IGF2R: variants seen among roughly 807,000 people sequenced by gnomAD.
IGF2R encodes the protein insulin like growth factor 2 receptor, also known as cation-independent mannose-6-phosphate receptor.
IGF2R carries 91 observed loss-of-function variants against 270.6 expected under a neutral mutation model. The observed-to-expected ratio is 0.34, with a 90% confidence interval of 0.28 to 0.40. The LOEUF (loss-of-function observed/expected upper bound fraction) is 0.40. Among genes scored for constraint, IGF2R ranks in the 10% least tolerant of loss-of-function variants. The probability of loss-of-function intolerance (pLI) is 1.00; values close to 1 mark genes in which losing one functional copy is unlikely to be tolerated. For synonymous variants in IGF2R, 1,316 were observed against 1,258.9 expected (o/e 1.05, Z -0.96); for missense variants, 2,805 against 3,188.3 (o/e 0.88, Z 2.90).
At chr6:159,995,587 A>T (rs564548789) in intron 2 of IGF2R, among the ~76,000 whole-genome samples, 99 of 152,070 alleles carry the variant, frequency 6.5e-4, no homozygotes, top group African/African-American at 2.0e-3. Context: ...AAGCTATTAG[A>T]TTCTCTTTTC....
intron 41 of IGF2R, among the ~76,000 whole-genome samples, chr6:160,086,026 A>G (rs925403865): frequency 6.6e-5 from 10 of 152,202 alleles, no homozygotes; most frequent in Admixed American, 2.0e-4. Context: ...GTAATCTTGC[A>G]GTATATATGG....
At chr6:160,027,014 A>C (rs914788410) in intron 5 of IGF2R, among the ~76,000 whole-genome samples, 171 bp from the exon 6 acceptor site, 1 of 152,170 alleles carries the variant, frequency 6.6e-6, no homozygotes, top group Admixed American at 6.5e-5. Flanking sequence ...ACAGTCCTTC[A>C]TCCTGAGCTT....
intron 5 of IGF2R, among the ~76,000 whole-genome samples, chr6:160,025,511 A>G (rs563382576): frequency 6.6e-6 from 1 of 152,320 alleles, no homozygotes; most frequent in Admixed American, 6.5e-5. Context: ...AACTCAATAC[A>G]TGGAAGTATT....
chr6:160,013,883 C>T (rs1454202105), intron 4 of IGF2R, among the ~76,000 whole-genome samples: 1 of 152,080 alleles, frequency 6.6e-6, no homozygotes, highest in Non-Finnish European at 1.5e-5. Flanking sequence ...ACCTTACAGG[C>T]TTGGTATGAT....
At chr6:160,062,672 G>A (rs931793173) in intron 26 of IGF2R, 53 bp downstream of exon 26, 9 of 1,301,002 alleles carry the variant, frequency 6.9e-6, no homozygotes, top group Admixed American at 1.8e-5. Context: ...AGTAGCAGAC[G>A]TTCTGAACGA....
At chr6:159,983,323 G>C (rs1224403574) in intron 1 of IGF2R, among the ~76,000 whole-genome samples, 2 of 152,174 alleles carry the variant, frequency 1.3e-5, no homozygotes, top group Non-Finnish European at 2.9e-5. Flanking sequence ...TTACTTGTGT[G>C]CTTCCTTCTA....
In IGF2R at chr6:160,078,381, G is replaced by T. The variant is rs1018099935; in HGVS notation, c.5478+19G>T. ...CTTTAAGGTAATGCGTTCACCCTGG[G>T]CGTTGCTGGTGCAGGTGTACCAGGT... On this transcript the variant is annotated intron_variant, in intron 37 of 47. Coordinates refer to ENST00000356956, the MANE Select transcript of IGF2R (RefSeq NM_000876.4). The T allele has an allele frequency of 7.5e-6, 12 of 1,610,036 alleles. No homozygotes were observed. The highest frequency in any genetic ancestry group is 1.7e-4 in the Middle Eastern group (1 of 6,054).
At chr6:160,047,484 T>G in intron 16 of IGF2R, 148 bp downstream of exon 16, 1 of 699,382 alleles carries the variant, frequency 1.4e-6, no homozygotes. Context: ...AGTATTAGTA[T>G]TTTAAGCTGT....
At chr6:160,047,094 T>C (rs1247122646) in intron 15 of IGF2R, 65 bp from the exon 16 acceptor site, 2 of 1,495,156 alleles carry the variant, frequency 1.3e-6, no homozygotes, top group East Asian at 2.3e-5. Flanking sequence ...CTCCCTTCAG[T>C]GTGGCAGCCT....
In IGF2R at chr6:160,072,018, G is replaced by C. The variant is rs751755621; in HGVS notation, c.4552G>C (p.Val1518Leu). 1.1e-5 allele frequency: 18 copies of C among 1,614,144 alleles called. No individual in the cohort carries two copies. Among genetic ancestry groups the C allele is most frequent in the Non-Finnish European group, 1.3e-5 (15 of 1,180,026 alleles). ...GAGCAACGAGCATGATGACTGCCAG[G>C]TCACCAACCCAAGCACAGGTGAGAG... ...MKSNEHDDCQ[V>L]TNPSTGHLFD... is the part of the protein sequence containing the mutation. The change falls in exon 32 of 48, where the codon GTC becomes CTC. Residue 1518 changes from valine to leucine, a missense_variant. Around this residue, in one of 2 missense-constraint regions of IGF2R, gnomAD observed 1,851 missense variants for 2,207.2 expected, o/e 0.84. Transcript: ENST00000356956.
chr6:160,071,823 A>G, intron 31 of IGF2R, 87 bp from the exon 32 acceptor site: 1 of 1,542,484 alleles, frequency 6.5e-7, no homozygotes, highest in Non-Finnish European at 8.9e-7. Context: ...GGAGTTTTTC[A>G]GAGAAGCTTC....
chr6:159,980,676 G>A (rs1271895395), intron 1 of IGF2R, among the ~76,000 whole-genome samples: 4 of 152,120 alleles, frequency 2.6e-5, no homozygotes, highest in Non-Finnish European at 5.9e-5. Context: ...CTGACAGCCC[G>A]CAGGTTTTCT....
At chr6:160,008,722 A>G (rs1237891558) in intron 2 of IGF2R, among the ~76,000 whole-genome samples, 1 of 152,088 alleles carries the variant, frequency 6.6e-6, no homozygotes, top group Non-Finnish European at 1.5e-5. Context: ...GAGCGCAGGT[A>G]GTGGTTTTAG....
At chr6:160,020,015 G>T (rs1331463035) in intron 4 of IGF2R, among the ~76,000 whole-genome samples, 2 of 152,090 alleles carry the variant, frequency 1.3e-5, no homozygotes, top group East Asian at 3.8e-4. Flanking sequence ...GACAGTCAAC[G>T]TGTCTCTGTG....
At position 160,058,167 on chromosome 6, in the gene IGF2R, G is replaced by A. The variant is rs773646364; in HGVS notation, c.2898+43G>A. 3.8e-6 allele frequency: 5 copies of A among 1,315,910 alleles called. No individual in the cohort carries two copies. In the South Asian group the frequency reaches 5.9e-5, roughly 15 times the overall value. The allele number at this position is 1,315,910 out of a possible 1,614,324, so 81.5% of individuals were successfully genotyped here. On this transcript the variant is annotated intron_variant, in intron 21 of 47. Coordinates refer to ENST00000356956, the MANE Select transcript of IGF2R (RefSeq NM_000876.4). ...CATTTCCAGTTTGCTTTGAAACAGG[G>A]GGAGAGTGCATTATTGAAGTCACCT...
rs1428470028 is a variant in IGF2R, at chr6:160,105,079, A to G, written c.7471A>G (p.Ile2491Val). 6.4e-7 allele frequency: 1 copy of G among 1,574,036 alleles called. No individual in the cohort carries two copies. ...HDDSDEDLLH[I>V] The stretch of plus-strand genomic sequence containing the variant: ...CGACAGCGACGAGGACCTCTTACAC[A>G]TCTGACTCCGCAGTGCCTGCAGGGG... The change falls in exon 48 of 48, where the codon ATC becomes GTC. Residue 2491 changes from isoleucine (I) to valine (V), a missense_variant. Coordinates refer to ENST00000356956, the MANE Select transcript of IGF2R (RefSeq NM_000876.4).
At chr6:160,039,964 C>T (rs955028716) in intron 10 of IGF2R, among the ~76,000 whole-genome samples, 1 of 152,126 alleles carries the variant, frequency 6.6e-6, no homozygotes, top group African/African-American at 2.4e-5. Context: ...CTGACGGAAC[C>T]ACAGAATTTC....
chr6:159,980,227 GAAAGAAAGA>G (rs1197056969), intron 1 of IGF2R, among the ~76,000 whole-genome samples: 1 of 137,736 alleles, frequency 7.3e-6, no homozygotes, highest in Admixed American at 7.6e-5. Flanking sequence ...AAGAAAGAAA[GAAAGAAAGA>G]AAGGTACATG....
At chr6:160,048,741 A>T (rs1778127526) in intron 18 of IGF2R, among the ~76,000 whole-genome samples, 198 bp downstream of exon 18, 1 of 152,242 alleles carries the variant, frequency 6.6e-6, no homozygotes, top group African/African-American at 2.4e-5. Flanking sequence ...ATCATTGTTC[A>T]CATGGAGAAT....
Sources: gnomAD v4.1 joint callset for allele counts (sites outside exome capture counted in the v4.1 genomes callset) on GRCh38, gnomAD v4.1.1 for gene constraint, gnomAD v4.1.1 regional missense constraint, MANE v1.5 for transcripts, NCBI Gene and HGNC (gene_info 2026-07-23, HGNC 2026-07-21) for gene names.